MCTP1: variants seen among roughly 807,000 people sequenced by gnomAD.
MCTP1 encodes the protein multiple C2 and transmembrane domain-containing protein 1.
MCTP1 carries 69 observed loss-of-function variants against 120.6 expected under a neutral mutation model. That is an observed-to-expected ratio of 0.57 (90% CI 0.47 to 0.70). MCTP1 has a LOEUF of 0.70. MCTP1 is among the 30% of genes least tolerant of loss of function. The pLI is 0.00. For synonymous variants in MCTP1, 529 were observed against 493.1 expected, an observed-to-expected ratio of 1.07 and a Z score of -0.96; for missense variants, 1,203 against 1,248.8, an observed-to-expected ratio of 0.96 and a Z score of 0.55.
chr5:95,223,890 G>GT (rs1489220997), intron 1 of MCTP1, among the ~76,000 whole-genome samples: 1 of 152,144 alleles, frequency 6.6e-6, no homozygotes, highest in Non-Finnish European at 1.5e-5. Context: ...TTATCTGTGT[G>GT]TTTTTTAAGA....
intron 19 of MCTP1, among the ~76,000 whole-genome samples, chr5:94,732,153 T>C (rs552029069): frequency 1.2e-4 from 19 of 152,334 alleles, no homozygotes; most frequent in Admixed American, 2.0e-4. Context: ...AAAGGATTCA[T>C]TGACAGGCAG....
chr5:94,804,803 A>G (rs1384963421), intron 17 of MCTP1, among the ~76,000 whole-genome samples: 1 of 152,250 alleles, frequency 6.6e-6, no homozygotes, highest in Non-Finnish European at 1.5e-5. Flanking sequence ...TAATAAGTCA[A>G]TATGATCATT....
At chr5:95,098,465 T>G (rs1202464540) in intron 1 of MCTP1, among the ~76,000 whole-genome samples, 1 of 152,164 alleles carries the variant, frequency 6.6e-6, no homozygotes, top group Non-Finnish European at 1.5e-5. Context: ...CAAGCATTCT[T>G]ATACACCAAT....
At chr5:95,005,632 C>G (rs959010637) in intron 2 of MCTP1, among the ~76,000 whole-genome samples, 16 of 152,104 alleles carry the variant, frequency 1.1e-4, no homozygotes, top group East Asian at 1.9e-4. Flanking sequence ...TTCTCTTGCT[C>G]TCTTGCTGGA....
At chr5:94,886,366 C>G (rs1801326003) in intron 12 of MCTP1, among the ~76,000 whole-genome samples, 1 of 152,136 alleles carries the variant, frequency 6.6e-6, no homozygotes, top group Non-Finnish European at 1.5e-5. Context: ...ACTATAGAAT[C>G]TTTCTTTCCT....
intron 15 of MCTP1, 86 bp downstream of exon 15, chr5:94,870,786 G>T: frequency 1.0e-6 from 1 of 973,000 alleles, no homozygotes; most frequent in Non-Finnish European, 1.6e-6. Flanking sequence ...AATGAGGAAT[G>T]ACAGAAATTC....
At chr5:95,211,010 T>G (rs1024852062) in intron 1 of MCTP1, among the ~76,000 whole-genome samples, 2 of 152,136 alleles carry the variant, frequency 1.3e-5, no homozygotes, top group Admixed American at 6.5e-5. Context: ...GCCCCCACTC[T>G]CTTCTGGCTT....
chr5:94,870,552 C>A, intron 15 of MCTP1, 61 bp from the exon 16 acceptor site: 2 of 1,214,826 alleles, frequency 1.6e-6, no homozygotes, highest in East Asian at 2.3e-5. Flanking sequence ...ACAAGTTTTT[C>A]ACGCAGTTCA....
chr5:94,845,839 C>G (rs1792204123), intron 17 of MCTP1, among the ~76,000 whole-genome samples: 1 of 152,100 alleles, frequency 6.6e-6, no homozygotes, highest in South Asian at 2.1e-4. Context: ...GGGGTGAGCA[C>G]CACACCCAGC....
chr5:95,072,980 C>T lies in MCTP1; in HGVS notation c.721-55496G>A, dbSNP rs557376977. ...CAGGATGGTCTCGATCTCCTGACCT[C>T]GTGATCCGTTCGCCTTGGCCTCCCA... On this transcript the variant is annotated intron_variant, in intron 1 of 22. Coordinates refer to ENST00000515393, the MANE Select transcript of MCTP1 (RefSeq NM_024717.7). Among the ~76,000 whole-genome samples, 6 of 152,150 alleles carry T rather than the reference C, an allele frequency of 3.9e-5. No homozygotes were observed. The South Asian group carries it at 6.2e-4, about 16-fold the overall frequency.
At position 94,707,332 on chromosome 5, in the gene MCTP1, A is replaced by ATATTCAAAGACATATGCCTT; in HGVS notation, c.*144_*163dup. ...AGTTGAGTCTGTACAATAGAAGTAT[A>ATATTCAAAGACATATGCCTT]TATTCAAAGACATATGCCTTTGTAC... On this transcript the variant is annotated 3_prime_UTR_variant, in exon 23 of 23. Transcript: ENST00000515393. 1 of 585,714 alleles carries ATATTCAAAGACATATGCCTT rather than the reference A, an allele frequency of 1.7e-6. No individual in the cohort carries two copies. Among genetic ancestry groups the ATATTCAAAGACATATGCCTT allele is most frequent in the Non-Finnish European group, 3.0e-6 (1 of 330,150 alleles). 36.3% of individuals were successfully genotyped at this position (585,714 alleles called of 1,614,324 possible). A position where few individuals can be genotyped will look rare whatever the true frequency, so the allele number is the denominator to read the frequency against.
chr5:94,801,856 A>G (rs989637898), intron 17 of MCTP1, among the ~76,000 whole-genome samples: 15 of 152,178 alleles, frequency 9.9e-5, no homozygotes, highest in African/African-American at 3.6e-4. Flanking sequence ...TGACATCACC[A>G]CTTGCTTCAA....
chr5:95,076,634 T>A (rs1355099013), intron 1 of MCTP1, among the ~76,000 whole-genome samples: 3 of 152,068 alleles, frequency 2.0e-5, no homozygotes, highest in Non-Finnish European at 4.4e-5. Context: ...AACACGCTAT[T>A]TCTAAGCGAG....
intron 1 of MCTP1, among the ~76,000 whole-genome samples, chr5:95,185,759 A>G (rs1017072970): frequency 1.3e-5 from 2 of 152,040 alleles, no homozygotes; most frequent in Non-Finnish European, 1.5e-5. Context: ...GCACTTTGGG[A>G]GGATGAGGCA....
At chr5:95,068,614 G>A (rs1426797214) in intron 1 of MCTP1, among the ~76,000 whole-genome samples, 1 of 152,156 alleles carries the variant, frequency 6.6e-6, no homozygotes, top group Non-Finnish European at 1.5e-5. Flanking sequence ...GATTGGCCGG[G>A]ATCTGTTTTC....
chr5:94,801,145 A>G (rs1319709833), intron 17 of MCTP1, among the ~76,000 whole-genome samples: 1 of 152,172 alleles, frequency 6.6e-6, no homozygotes, highest in Non-Finnish European at 1.5e-5. Flanking sequence ...TATTTGTAGC[A>G]TTTAGGCAGT....
At chr5:94,832,246 A>T (rs1275407744) in intron 17 of MCTP1, among the ~76,000 whole-genome samples, 1 of 152,312 alleles carries the variant, frequency 6.6e-6, no homozygotes, top group Middle Eastern at 3.4e-3. Context: ...TGCATAAGCC[A>T]TTGTTCTAAA....
At chr5:94,852,698 AT>A (rs2153225398) in intron 17 of MCTP1, among the ~76,000 whole-genome samples, 1 of 152,076 alleles carries the variant, frequency 6.6e-6, no homozygotes, top group Non-Finnish European at 1.5e-5. Flanking sequence ...TATATTTAAC[AT>A]TTTTAAAATG....
chr5:94,849,945 T>G (rs1018722051), intron 17 of MCTP1, among the ~76,000 whole-genome samples: 1 of 152,206 alleles, frequency 6.6e-6, no homozygotes, highest in Admixed American at 6.5e-5. Context: ...CTTTTGGCTT[T>G]TAATTATTCT....
Sources: gnomAD v4.1 joint callset for allele counts (sites outside exome capture counted in the v4.1 genomes callset) on GRCh38, gnomAD v4.1.1 for gene constraint, MANE v1.5 for transcripts, NCBI Gene and HGNC (gene_info 2026-07-23, HGNC 2026-07-21) for gene names.